EPHB1: variants seen among roughly 807,000 people sequenced by gnomAD.
EPHB1 encodes ephrin type-B receptor 1.
EPHB1 carries 30 observed loss-of-function variants against 94.4 expected under a neutral mutation model. The ratio of observed to expected loss-of-function variants is 0.32; its 90% confidence interval spans 0.24 to 0.43. EPHB1 has a LOEUF of 0.43. Ranked by LOEUF, EPHB1 falls within the 20% of genes least tolerant of loss-of-function variation. EPHB1 has a pLI of 1.00. For missense variants in EPHB1, 1,055 were observed against 1,308.3 expected, an observed-to-expected ratio of 0.81 and a Z score of 2.99; for synonymous variants, 522 against 489.1, an observed-to-expected ratio of 1.07 and a Z score of -0.89.
At chr3:134,973,765 C>T (rs1456549402) in intron 3 of EPHB1, among the ~76,000 whole-genome samples, 1 of 152,054 alleles carries the variant, frequency 6.6e-6, no homozygotes, top group Non-Finnish European at 1.5e-5. Context: ...ATTATCTGAG[C>T]AGAATTAAAA....
At chr3:134,893,458 C>T (rs1056920739) in intron 1 of EPHB1, among the ~76,000 whole-genome samples, 1 of 152,130 alleles carries the variant, frequency 6.6e-6, no homozygotes, top group Non-Finnish European at 1.5e-5. Flanking sequence ...GATCTCCCAC[C>T]CCTCTCTCCA....
At chr3:135,197,839 T>G in intron 11 of EPHB1, among the ~76,000 whole-genome samples, 1 of 152,208 alleles carries the variant, frequency 6.6e-6, no homozygotes, top group Non-Finnish European at 1.5e-5. Context: ...CTTATCTTGT[T>G]CATCTTTGAA....
At chr3:135,248,148 G>C (rs570204222) in intron 13 of EPHB1, among the ~76,000 whole-genome samples, 168 bp from the exon 14 acceptor site, 1 of 152,340 alleles carries the variant, frequency 6.6e-6, no homozygotes, top group Admixed American at 6.5e-5. Context: ...TGTCTAGGGG[G>C]ATAAACCAAG....
Position 135,249,486 on chromosome 3 carries a change from A to G in EPHB1, c.2841A>G (p.Thr947=). 4 of 1,613,312 alleles carry G rather than the reference A, an allele frequency of 2.5e-6. No individual in the cohort carries two copies. Among genetic ancestry groups the G allele is most frequent in the Non-Finnish European group, 3.4e-6 (4 of 1,179,510 alleles). ...CCCTCCAGCTGGTCACCCAGATGACATCAGAGTAAGTGATGAGAATCTCTC... is the reference window on the plus strand; with the variant it reads ...CCCTCCAGCTGGTCACCCAGATGACGTCAGAGTAAGTGATGAGAATCTCTC... ...FTSLQLVTQM[T]SEDLLRIGIT... is the part of the protein sequence containing the mutation. The change falls in exon 15 of 16, where the codon ACA becomes ACG. Residue 947 remains threonine, a synonymous_variant. Transcript: ENST00000398015.
intron 1 of EPHB1, among the ~76,000 whole-genome samples, chr3:134,881,286 G>T (rs529836252): frequency 6.6e-6 from 1 of 152,146 alleles, no homozygotes; most frequent in African/African-American, 2.4e-5. Flanking sequence ...GGTATGCTGG[G>T]GTGTAACATA....
At chr3:134,888,163 G>C (rs1015912435) in intron 1 of EPHB1, among the ~76,000 whole-genome samples, 21 of 152,288 alleles carry the variant, frequency 1.4e-4, no homozygotes, top group Middle Eastern at 3.4e-3. Flanking sequence ...ACAAGCAGTA[G>C]CTGCCCTTTC....
intron 1 of EPHB1, among the ~76,000 whole-genome samples, chr3:134,860,023 A>G (rs994675385): frequency 2.0e-5 from 3 of 151,922 alleles, no homozygotes; most frequent in Non-Finnish European, 1.5e-5. Flanking sequence ...TATATTATGT[A>G]TTTCACCTTT....
chr3:135,135,588 A>T (rs185588053), intron 5 of EPHB1, among the ~76,000 whole-genome samples: 2 of 152,290 alleles, frequency 1.3e-5, no homozygotes, highest in South Asian at 4.1e-4. Context: ...TGACATGTCT[A>T]ACCTTCCCAG....
At chr3:135,244,773 T>TAAAG (rs558631589) in intron 13 of EPHB1, among the ~76,000 whole-genome samples, 2 of 152,172 alleles carry the variant, frequency 1.3e-5, no homozygotes, top group South Asian at 4.1e-4. Flanking sequence ...ACGCATATCC[T>TAAAG]AAAGAAGAGA....
At chr3:135,238,746 T>TCACA (rs370315030) in intron 12 of EPHB1, among the ~76,000 whole-genome samples, 3 of 152,160 alleles carry the variant, frequency 2.0e-5, no homozygotes, top group African/African-American at 4.8e-5. Context: ...TCTCTCTCTC[T>TCACA]CTCACACACA....
intron 9 of EPHB1, among the ~76,000 whole-genome samples, chr3:135,167,429 G>A (rs867217442): frequency 2.0e-5 from 3 of 152,190 alleles, no homozygotes; most frequent in Admixed American, 6.5e-5. Context: ...GAACATGAAG[G>A]TAGGGAATTA....
At position 134,951,449 on chromosome 3, in the gene EPHB1, C is replaced by G; in HGVS notation, c.202C>G (p.Gln68Glu). 1 of 1,612,720 alleles carries G rather than the reference C, an allele frequency of 6.2e-7. No homozygotes were observed. Among genetic ancestry groups the G allele is most frequent in the Non-Finnish European group, 8.5e-7 (1 of 1,179,178 alleles). ...GGTGTGCAATGTCTTCGAGCCCAACCAGAACAATTGGCTGCTCACCACCTT... is the reference window on the plus strand; with the variant it reads ...GGTGTGCAATGTCTTCGAGCCCAACGAGAACAATTGGCTGCTCACCACCTT... ...YQVCNVFEPN[Q>E]NNWLLTTFIN... Residue 68 changes from glutamine to glutamate, a missense_variant, in exon 3 of 16, where the codon CAG becomes GAG. Physicochemically the swap from Gln to Glu is conservative, Grantham distance 29. Transcript: ENST00000398015. This position sits in a 1 kb window ranked among gnomAD's most constrained non-coding sequence, Gnocchi z 4.5.
intron 3 of EPHB1, among the ~76,000 whole-genome samples, chr3:134,958,511 C>G (rs894699140): frequency 6.6e-6 from 1 of 151,934 alleles, no homozygotes; most frequent in Non-Finnish European, 1.5e-5. Flanking sequence ...CTCTCTCAGT[C>G]CCATCAGCTA....
At chr3:134,861,132 G>A (rs531063596) in intron 1 of EPHB1, among the ~76,000 whole-genome samples, 5 of 152,152 alleles carry the variant, frequency 3.3e-5, no homozygotes, top group African/African-American at 4.8e-5. Context: ...GAATCATAGT[G>A]CTAAGGGCAT....
rs191213664 is a variant in EPHB1, at chr3:135,046,035, G to T, written c.806-60413G>T. Among the ~76,000 whole-genome samples the T allele has an allele frequency of 5.3e-5, 8 of 152,294 alleles. No homozygotes were observed. In the East Asian group the frequency reaches 1.5e-3, roughly 29 times the overall value. The stretch of plus-strand genomic sequence containing the variant: ...AAAATAACATATTACATCAGGCTCA[G>T]TCTGGAAGCAAAAGTGAGGCTATAG... On this transcript the variant is annotated intron_variant, in intron 3 of 15. Coordinates refer to ENST00000398015, the MANE Select transcript of EPHB1 (RefSeq NM_004441.5).
At chr3:134,909,120 G>C (rs181631652) in intron 1 of EPHB1, among the ~76,000 whole-genome samples, 5 of 110,568 alleles carry the variant, frequency 4.5e-5, no homozygotes, top group African/African-American at 1.5e-4. Context: ...GGGGGCGGGG[G>C]GCGGGCTGGA....
intron 3 of EPHB1, among the ~76,000 whole-genome samples, chr3:134,955,609 A>G: frequency 1.5e-5 from 1 of 65,478 alleles, no homozygotes; most frequent in East Asian, 2.6e-4. Flanking sequence ...TGACCCAGCC[A>G]TCCCATTACT....
intron 12 of EPHB1, among the ~76,000 whole-genome samples, chr3:135,210,470 G>A (rs1486239082): frequency 1.3e-5 from 2 of 152,170 alleles, no homozygotes; most frequent in Non-Finnish European, 2.9e-5. Flanking sequence ...ACTTCATTTG[G>A]GAAAGGATAG....
rs561037510 is a variant in EPHB1, at chr3:135,253,555, C to T, written c.2846+4064C>T. On this transcript the variant is annotated intron_variant, in intron 15 of 15. Transcript: ENST00000398015. ...CGGCATTATTTCTGAGGGCTCTGTTCTGTTCCATTGATCTATATCTCTGTT... is the reference window on the plus strand; with the variant it reads ...CGGCATTATTTCTGAGGGCTCTGTTTTGTTCCATTGATCTATATCTCTGTT... 6.7e-3 allele frequency among the ~76,000 whole-genome samples: 1,008 copies of T among 151,338 alleles called. 8 individuals carry two copies. The highest frequency in any genetic ancestry group is 0.023 in the African/African-American group (941 of 41,044).
Sources: allele counts gnomAD v4.1 joint callset (sites outside exome capture counted in the v4.1 genomes callset), GRCh38; gene constraint gnomAD v4.1.1; non-coding constraint Gnocchi (gnomAD v3.1); transcripts MANE v1.5; gene names NCBI Gene and HGNC (gene_info 2026-07-23, HGNC 2026-07-21).